CGNL1: variants seen among roughly 807,000 people sequenced by gnomAD.
The protein encoded by CGNL1 is cingulin like 1.
Under a neutral mutation model 141.2 loss-of-function variants are expected in CGNL1, and 132 were observed. The ratio of observed to expected loss-of-function variants is 0.93; its 90% CI spans 0.81 to 1.08. CGNL1 has a LOEUF of 1.08. Ranked by LOEUF, CGNL1 falls within the 50% of genes least tolerant of loss-of-function variation. The pLI is 0.00. For missense variants in CGNL1, 1,870 were observed against 1,588.6 expected, an observed-to-expected ratio of 1.18 and a Z score of -3.01; for synonymous variants, 690 against 622.1, an observed-to-expected ratio of 1.11 and a Z score of -1.63.
At chr15:57,441,352 G>A (rs569919841) in intron 3 of CGNL1, among the ~76,000 whole-genome samples, 66 of 152,082 alleles carry the variant, frequency 4.3e-4, no homozygotes, top group African/African-American at 1.4e-3. Context: ...AAGAAATCTT[G>A]ACTTTTAAAA....
At chr15:57,547,243 T>A (rs2032917407) in intron 18 of CGNL1, 112 bp from the exon 19 acceptor site, 3 of 1,195,892 alleles carry the variant, frequency 2.5e-6, no homozygotes, top group Non-Finnish European at 3.6e-6. Context: ...GTTTCTTTTC[T>A]GTGCCACTCA....
intron 7 of CGNL1, among the ~76,000 whole-genome samples, chr15:57,457,899 G>A (rs567662105): frequency 2.0e-5 from 3 of 152,234 alleles, no homozygotes; most frequent in South Asian, 4.1e-4. Context: ...CAGTGTGACT[G>A]CTTGCTTCTC....
chr15:57,537,388 G>T (rs1023328202), intron 14 of CGNL1, among the ~76,000 whole-genome samples: 3 of 151,976 alleles, frequency 2.0e-5, no homozygotes, highest in Admixed American at 2.0e-4. Flanking sequence ...CCTGCTAAAT[G>T]GGACCGTCGT....
chr15:57,509,886 T>A (rs1374087906), intron 8 of CGNL1, among the ~76,000 whole-genome samples: 2 of 152,270 alleles, frequency 1.3e-5, no homozygotes, highest in African/African-American at 4.8e-5. Context: ...TTTAGAAGAA[T>A]GTTTTTCTTA....
At position 57,439,127 on chromosome 15, in the gene CGNL1, C is replaced by T. The variant is rs750200722; in HGVS notation, c.1128C>T (p.Asn376=). The T allele has an allele frequency of 4.3e-6, 7 of 1,614,174 alleles. No individual in the cohort carries two copies. The highest frequency in any genetic ancestry group is 5.9e-6 in the Non-Finnish European group (7 of 1,180,026). The part of the protein sequence containing the change: ...LQRRGRSGKR[N]RINTDDRKRS... Reference sequence around the variant, plus strand: ...GAAGAGGAAGGTCTGGGAAGCGAAACAGAATTAATACAGATGACAGGAAAA... The same window carrying T: ...GAAGAGGAAGGTCTGGGAAGCGAAATAGAATTAATACAGATGACAGGAAAA... Residue 376 remains asparagine, a synonymous_variant, in exon 2 of 19, where the codon AAC becomes AAT. Transcript: ENST00000281282.
intron 8 of CGNL1, among the ~76,000 whole-genome samples, chr15:57,499,987 A>T (rs1431136772): frequency 6.6e-6 from 1 of 152,040 alleles, no homozygotes; most frequent in African/African-American, 2.4e-5. Context: ...TGGTGGAAGT[A>T]CCATCTTGGC....
At position 57,440,377 on chromosome 15, in the gene CGNL1, G is replaced by A. The variant is rs370913659; in HGVS notation, c.1603G>A (p.Ala535Thr). 1 of 1,596,158 alleles carries A rather than the reference G, an allele frequency of 6.3e-7. No individual in the cohort carries two copies. Among genetic ancestry groups the A allele is most frequent in the East Asian group, 2.2e-5 (1 of 44,596 alleles). ...TCTAACAACAGGCCTTATGTTCCAGGCCACACCGGATCTCTTAAAGGGCCA... is the reference window on the plus strand; with the variant it reads ...TCTAACAACAGGCCTTATGTTCCAGACCACACCGGATCTCTTAAAGGGCCA... ...KTFPSASNTQ[A>T]TPDLLKGQQE... The change falls in exon 3 of 19, where the codon GCC (alanine) becomes ACC (threonine). Residue 535 changes from alanine (A) to threonine (T), a missense_variant and splice_region_variant. By Grantham distance (58) the Ala-to-Thr change is moderately conservative. Coordinates refer to ENST00000281282, the MANE Select transcript of CGNL1 (RefSeq NM_032866.5).
intron 1 of CGNL1, among the ~76,000 whole-genome samples, chr15:57,378,363 GTTTTTTTTTTT>G (rs71116514): frequency 3.8e-4 from 13 of 33,916 alleles, no homozygotes; most frequent in South Asian, 1.3e-3. Context: ...CCCTCTATGT[GTTTTTTTTTTT>G]TTTTTTTTTT....
At chr15:57,516,649 G>C (rs556230951) in intron 8 of CGNL1, 131 bp from the exon 9 acceptor site, 14 of 924,406 alleles carry the variant, frequency 1.5e-5, no homozygotes, top group South Asian at 3.3e-5. Context: ...GTCGTTTGCC[G>C]ACCCCTGGCT....
intron 1 of CGNL1, among the ~76,000 whole-genome samples, chr15:57,394,915 C>A (rs2152238186): frequency 6.6e-6 from 1 of 152,334 alleles, no homozygotes; most frequent in Non-Finnish European, 1.5e-5. Flanking sequence ...AGTTCGAGAC[C>A]AGCCTGGCCA....
chr15:57,538,816 A>G (rs1319785897), intron 14 of CGNL1, among the ~76,000 whole-genome samples: 1 of 152,180 alleles, frequency 6.6e-6, no homozygotes, highest in Non-Finnish European at 1.5e-5. Flanking sequence ...GTCCCGGTCT[A>G]AACTCTCCTT....
chr15:57,441,581 A>T (rs72739708), intron 3 of CGNL1, among the ~76,000 whole-genome samples: 6,904 of 152,124 alleles, frequency 0.045, 310 homozygotes, highest in Admixed American at 0.12. Flanking sequence ...ATTGGCAAGG[A>T]TAATCTCAAA....
At chr15:57,451,735 A>C in intron 5 of CGNL1, 134 bp downstream of exon 5, 1 of 641,202 alleles carries the variant, frequency 1.6e-6, no homozygotes, top group East Asian at 2.8e-5. Flanking sequence ...TAATCACTGA[A>C]TAAATTCCTG....
chr15:57,376,702 C>T (rs2062366836), intron 1 of CGNL1, 135 bp downstream of exon 1: 1 of 151,640 alleles, frequency 6.6e-6, no homozygotes, highest in Non-Finnish European at 1.5e-5. Flanking sequence ...GTCCGCGCGT[C>T]CACTCTCGGT....
rs1432791328 is a variant in CGNL1 at position 57,437,606 on chromosome 15, A to G, written c.-15-379A>G. 3.1e-5 allele frequency among the ~76,000 whole-genome samples: 4 copies of G among 127,174 alleles called. No homozygotes were observed. In the South Asian group the frequency reaches 1.1e-3, roughly 37 times the overall value. The allele number at this position is 127,174 out of a possible 152,430, so 83.4% of individuals were successfully genotyped here. On this transcript the variant is annotated intron_variant, in intron 1 of 18. Transcript: ENST00000281282. ...AATAAACAGCATAAAGTTTCAGGAA[A>G]CCAACTAAACAGCAAAAAAAAAAAA...
rs2063332864 is a variant in CGNL1 at position 57,452,412 on chromosome 15, T to A, written c.2054+123T>A. The stretch of plus-strand genomic sequence containing the variant: ...ATTTATAAAGGCAGCTGGCTTTTCC[T>A]TTTCTTCCTCTTATCTTTGTAAAAT... On this transcript the variant is annotated intron_variant, in intron 6 of 18. Transcript: ENST00000281282. 4.8e-6 allele frequency: 4 copies of A among 836,586 alleles called. No homozygotes were observed. The Admixed American group carries it at 1.2e-4, about 26-fold the overall frequency. 51.8% of individuals were successfully genotyped at this position (836,586 alleles called of 1,614,324 possible). A position where few individuals can be genotyped will look rare whatever the true frequency, so the allele number is the denominator to read the frequency against.
At position 57,439,597 on chromosome 15, in the gene CGNL1, C is replaced by T; in HGVS notation, c.1598C>T (p.Thr533Ile). 6.2e-7 allele frequency: 1 copy of T among 1,612,918 alleles called. No homozygotes were observed. Among genetic ancestry groups the T allele is most frequent in the Non-Finnish European group, 8.5e-7 (1 of 1,179,862 alleles). The change falls in exon 2 of 19, where the codon ACT (threonine) becomes ATT (isoleucine). Residue 533 changes from threonine (T) to isoleucine (I), a missense_variant. By Grantham distance (89) the Thr-to-Ile change is moderately conservative (BLOSUM62 -1). Coordinates refer to ENST00000281282, the MANE Select transcript of CGNL1 (RefSeq NM_032866.5). ...SVKTFPSASN[T>I]QATPDLLKGQ... is the part of the protein sequence containing the mutation. ...AAGACATTTCCTTCGGCCTCAAATACTCAGGTAACACTAGTGCGATTCCTG... is the reference window on the plus strand; with the variant it reads ...AAGACATTTCCTTCGGCCTCAAATATTCAGGTAACACTAGTGCGATTCCTG...
intron 1 of CGNL1, among the ~76,000 whole-genome samples, chr15:57,434,547 A>G (rs1489437118): frequency 6.6e-6 from 1 of 152,186 alleles, no homozygotes; most frequent in African/African-American, 2.4e-5. Flanking sequence ...AAAAGAGTCC[A>G]CTTTCCCCAA....
At chr15:57,543,027 G>A (rs1285558192) in intron 14 of CGNL1, among the ~76,000 whole-genome samples, 3 of 152,176 alleles carry the variant, frequency 2.0e-5, no homozygotes, top group Non-Finnish European at 2.9e-5. Context: ...AACACAACCT[G>A]GGTGCCTTAA....
Sources: gnomAD v4.1 joint callset for allele counts (sites outside exome capture counted in the v4.1 genomes callset) on GRCh38, gnomAD v4.1.1 for gene constraint, MANE v1.5 for transcripts, NCBI Gene and HGNC (gene_info 2026-07-23, HGNC 2026-07-21) for gene names.